PRPSAP2: variants seen among roughly 807,000 people sequenced by gnomAD.
PRPSAP2 encodes phosphoribosyl pyrophosphate synthetase associated protein 2.
In PRPSAP2, 24 loss-of-function variants were observed where a neutral mutation model predicts 40.6. That is an observed-to-expected ratio of 0.59 (90% CI 0.43 to 0.83). The LOEUF is 0.83. PRPSAP2 is among the 40% of genes least tolerant of loss of function. The pLI, the probability that PRPSAP2 is intolerant of heterozygous loss-of-function variation, is 0.00. For missense variants in PRPSAP2, 292 were observed against 465.6 expected (o/e 0.63, Z 3.43); for synonymous variants, 149 against 164.7 (o/e 0.90, Z 0.73).
intron 6 of PRPSAP2, among the ~76,000 whole-genome samples, chr17:18,878,713 A>G (rs559170140): frequency 7.8e-4 from 119 of 152,064 alleles, no homozygotes; most frequent in Non-Finnish European, 2.4e-4. Context: ...ATGCGCCACC[A>G]CGCCCGGCTA....
intron 8 of PRPSAP2, among the ~76,000 whole-genome samples, chr17:18,890,436 C>G (rs986134682): frequency 6.6e-6 from 1 of 152,166 alleles, no homozygotes; most frequent in Non-Finnish European, 1.5e-5. Context: ...TCCCAAGGTG[C>G]TGGGATTACA....
At chr17:18,896,897 T>A (rs1475176222) in intron 8 of PRPSAP2, among the ~76,000 whole-genome samples, 2 of 152,182 alleles carry the variant, frequency 1.3e-5, no homozygotes, top group East Asian at 3.8e-4. Flanking sequence ...TTTTGTCTTT[T>A]GCAGAACTGG....
At chr17:18,930,206 A>C (rs1289313976) in intron 11 of PRPSAP2, among the ~76,000 whole-genome samples, 4 of 152,010 alleles carry the variant, frequency 2.6e-5, no homozygotes, top group Admixed American at 2.6e-4. Flanking sequence ...CCCCGTCTCT[A>C]CTAAAAATAC....
At chr17:18,920,237 G>C (rs931099820) in intron 9 of PRPSAP2, among the ~76,000 whole-genome samples, 4 of 152,212 alleles carry the variant, frequency 2.6e-5, no homozygotes, top group African/African-American at 9.7e-5. Context: ...GTCTTTAGAT[G>C]AACGCTGCTT....
At chr17:18,893,514 G>A (rs1157816381) in intron 8 of PRPSAP2, among the ~76,000 whole-genome samples, 1 of 151,990 alleles carries the variant, frequency 6.6e-6, no homozygotes, top group Admixed American at 6.6e-5. Context: ...CAGCACTTCG[G>A]GAGGCTGAGG....
At chr17:18,908,892 CCCTTT>C in intron 8 of PRPSAP2, 1 of 497,552 alleles carries the variant, frequency 2.0e-6, no homozygotes, top group Non-Finnish European at 3.7e-6. Flanking sequence ...TCCTTTTCCT[CCCTTT>C]CCTTTCCTTT....
chr17:18,885,356 G>A (rs2039052796), intron 7 of PRPSAP2, among the ~76,000 whole-genome samples: 1 of 132,670 alleles, frequency 7.5e-6, no homozygotes, highest in Admixed American at 8.7e-5. Flanking sequence ...AGGTGGTCGA[G>A]GCTGCATCAA....
chr17:18,930,894 A>C lies in PRPSAP2; in HGVS notation c.*196A>C. ...GTGAGTTTGGGGAGCAATTTTTATAAAAGAAAAACTTTATTCTCCTCTTTT... is the reference window on the plus strand; with the variant it reads ...GTGAGTTTGGGGAGCAATTTTTATACAAGAAAAACTTTATTCTCCTCTTTT... On this transcript the variant is annotated 3_prime_UTR_variant, in exon 12 of 12. Coordinates refer to ENST00000268835, the MANE Select transcript of PRPSAP2 (RefSeq NM_002767.4). 1 of 408,066 alleles carries C rather than the reference A, an allele frequency of 2.5e-6. No homozygotes were observed. The highest frequency in any genetic ancestry group is 4.2e-6 in the Non-Finnish European group (1 of 235,944). The allele number at this position is 408,066 out of a possible 1,614,324, so 25.3% of individuals were successfully genotyped here.
At chr17:18,877,997 C>T in intron 6 of PRPSAP2, 127 bp downstream of exon 6, 3 of 1,029,628 alleles carry the variant, frequency 2.9e-6, no homozygotes, top group Non-Finnish European at 4.2e-6. Flanking sequence ...TCATAGCTCA[C>T]TGCAACTTGA....
chr17:18,875,124 T>C (rs1338415430), intron 5 of PRPSAP2, among the ~76,000 whole-genome samples: 2 of 152,200 alleles, frequency 1.3e-5, no homozygotes, highest in African/African-American at 4.8e-5. Context: ...TCAGAATCAC[T>C]CAGCACCCCT....
At chr17:18,898,938 G>C (rs2040091982) in intron 8 of PRPSAP2, among the ~76,000 whole-genome samples, 1 of 152,064 alleles carries the variant, frequency 6.6e-6, no homozygotes, top group Non-Finnish European at 1.5e-5. Context: ...TTTCATTCTT[G>C]TTGCCCAGGC....
chr17:18,917,263 C>G (rs918083583), intron 9 of PRPSAP2, among the ~76,000 whole-genome samples: 2 of 151,912 alleles, frequency 1.3e-5, no homozygotes, highest in East Asian at 1.9e-4. Context: ...CACATACATA[C>G]AGATGTGTGT....
chr17:18,899,522 T>G (rs1006665360), intron 8 of PRPSAP2, among the ~76,000 whole-genome samples: 19 of 88,206 alleles, frequency 2.2e-4, no homozygotes, highest in Admixed American at 7.6e-4. Context: ...CAACTGAGTT[T>G]TTTTTTTTTT....
rs373764009 is a variant in PRPSAP2, at chr17:18,928,826, G to T, written c.820G>T (p.Asp274Tyr). The T allele has an allele frequency of 1.2e-6, 2 of 1,613,780 alleles. No homozygotes were observed. Among genetic ancestry groups the T allele is most frequent in the Non-Finnish European group, 1.7e-6 (2 of 1,179,864 alleles). ...GCTTTGGCAGGATGACATCATTGATGATGTTGACAGCTTTCTTGCTGCAGC... is the reference window on the plus strand; with the variant it reads ...GCTTTGGCAGGATGACATCATTGATTATGTTGACAGCTTTCTTGCTGCAGC... ...IAIIVDDIIDDVDSFLAAAET... is the reference protein window; with the variant it reads ...IAIIVDDIIDYVDSFLAAAET... The change falls in exon 11 of 12, where the codon GAT becomes TAT. Residue 274 changes from aspartate to tyrosine, a missense_variant. Coordinates refer to ENST00000268835, the MANE Select transcript of PRPSAP2 (RefSeq NM_002767.4).
chr17:18,895,632 T>A (rs2039868217), intron 8 of PRPSAP2, among the ~76,000 whole-genome samples: 2 of 151,892 alleles, frequency 1.3e-5, no homozygotes, highest in South Asian at 2.1e-4. Context: ...ATTTAATTTT[T>A]ATTTTTATTT....
At chr17:18,917,689 G>A (rs551189586) in intron 9 of PRPSAP2, among the ~76,000 whole-genome samples, 4 of 140,980 alleles carry the variant, frequency 2.8e-5, no homozygotes, top group African/African-American at 5.2e-5. Context: ...CGCCCGCCTC[G>A]GCCTCCCAAT....
At chr17:18,870,653 A>G (rs2037788712) in intron 4 of PRPSAP2, among the ~76,000 whole-genome samples, 1 of 151,978 alleles carries the variant, frequency 6.6e-6, no homozygotes, top group African/African-American at 2.4e-5. Context: ...TACCAAAGAT[A>G]AAGAAATTAG....
chr17:18,871,981 T>G (rs1388973904), intron 4 of PRPSAP2, among the ~76,000 whole-genome samples: 1 of 151,952 alleles, frequency 6.6e-6, no homozygotes, highest in Non-Finnish European at 1.5e-5. Flanking sequence ...ATAAAGATAC[T>G]GTGCTCAGGC....
intron 9 of PRPSAP2, among the ~76,000 whole-genome samples, chr17:18,922,556 G>C (rs1230155643): frequency 6.6e-6 from 1 of 151,650 alleles, no homozygotes; most frequent in Non-Finnish European, 1.5e-5. Context: ...ATCTTCTTTG[G>C]AGAAATATCT....
Sources: allele counts gnomAD v4.1 joint callset (sites outside exome capture counted in the v4.1 genomes callset), GRCh38; gene constraint gnomAD v4.1.1; transcripts MANE v1.5; gene names NCBI Gene and HGNC (gene_info 2026-07-23, HGNC 2026-07-21).